Variants in PDE4D observed in about 807,000 individuals in gnomAD.
The protein encoded by PDE4D is phosphodiesterase 4D.
A neutral mutation model predicts 87.4 loss-of-function variants in PDE4D; 24 were observed. That is an observed-to-expected ratio of 0.27 (90% CI 0.20 to 0.39). The LOEUF (loss-of-function observed/expected upper bound fraction) is 0.39, where lower values mean the gene tolerates loss of function less well. Among genes scored for constraint, PDE4D ranks in the 10% least tolerant of loss-of-function variants. The probability of loss-of-function intolerance (pLI) is 1.00; values close to 1 mark genes in which losing one functional copy is unlikely to be tolerated. For missense variants in PDE4D, 714 were observed against 1,041.0 expected (o/e 0.69, Z 4.32); for synonymous variants, 384 against 383.2 (o/e 1.00, Z -0.02).
chr5:60,339,501 T>G (rs1758121253), intron 1 of PDE4D, among the ~76,000 whole-genome samples: 1 of 152,146 alleles, frequency 6.6e-6, no homozygotes, highest in African/African-American at 2.4e-5. Context: ...ATTGTGTATC[T>G]CTTAAATGTT....
intron 11 of PDE4D, among the ~76,000 whole-genome samples, chr5:58,986,842 T>G (rs1461149269): frequency 6.6e-6 from 1 of 152,158 alleles, no homozygotes; most frequent in Non-Finnish European, 1.5e-5. Flanking sequence ...ACAGTGACCT[T>G]TCTATCAGTT....
chr5:59,527,919 T>C (rs1416602176), intron 1 of PDE4D, among the ~76,000 whole-genome samples: 2 of 152,366 alleles, frequency 1.3e-5, no homozygotes, highest in South Asian at 2.1e-4. Context: ...ATTAGTTTTT[T>C]ATTCCTTAAA....
chr5:59,239,677 A>G (rs1265310069), intron 1 of PDE4D, among the ~76,000 whole-genome samples: 1 of 152,154 alleles, frequency 6.6e-6, no homozygotes, highest in Non-Finnish European at 1.5e-5. Context: ...CCCCTTAGTA[A>G]AAAATACTGA....
chr5:59,740,119 G>A (rs894791790), intron 1 of PDE4D, among the ~76,000 whole-genome samples: 1 of 152,060 alleles, frequency 6.6e-6, no homozygotes, highest in East Asian at 1.9e-4. Context: ...TATTGCTGCT[G>A]GTGTCCTGAA....
At chr5:59,463,544 G>A (rs1268493466) in intron 1 of PDE4D, among the ~76,000 whole-genome samples, 1 of 152,136 alleles carries the variant, frequency 6.6e-6, no homozygotes, top group East Asian at 1.9e-4. Flanking sequence ...TTCCCTTAAA[G>A]CCAGGTGGCC....
At chr5:59,912,461 A>G (rs1753555817) in intron 3 of PDE4D, among the ~76,000 whole-genome samples, 1 of 152,246 alleles carries the variant, frequency 6.6e-6, no homozygotes, top group South Asian at 2.1e-4. Context: ...CATATTATCA[A>G]CAAATTAATT....
intron 1 of PDE4D, among the ~76,000 whole-genome samples, chr5:59,564,793 G>A (rs1312973717): frequency 1.3e-5 from 2 of 152,174 alleles, no homozygotes; most frequent in African/African-American, 2.4e-5. Flanking sequence ...CAAGAAAACA[G>A]CATGCACAAT....
chr5:59,480,759 A>G (rs1343043195), intron 1 of PDE4D, among the ~76,000 whole-genome samples: 3 of 152,176 alleles, frequency 2.0e-5, no homozygotes, highest in Non-Finnish European at 4.4e-5. Flanking sequence ...TCATTCATTT[A>G]TTGAGCAGTT....
At chr5:60,185,975 G>A (rs1329434068) in intron 1 of PDE4D, among the ~76,000 whole-genome samples, 1 of 149,024 alleles carries the variant, frequency 6.7e-6, no homozygotes, top group Non-Finnish European at 1.5e-5. Context: ...ATAACCTAAA[G>A]TTACATGTAT....
At chr5:59,446,709 G>A (rs1463487241) in intron 1 of PDE4D, among the ~76,000 whole-genome samples, 1 of 152,194 alleles carries the variant, frequency 6.6e-6, no homozygotes. Context: ...CTAGTACGGA[G>A]CTCCCCACAG....
At chr5:59,187,716 T>C (rs1743241511) in intron 3 of PDE4D, among the ~76,000 whole-genome samples, 1 of 152,224 alleles carries the variant, frequency 6.6e-6, no homozygotes, top group Admixed American at 6.5e-5. Flanking sequence ...TAAATAATCT[T>C]GTAGAGAAAT....
chr5:59,546,949 G>A (rs868226831), intron 1 of PDE4D, among the ~76,000 whole-genome samples: 2 of 152,066 alleles, frequency 1.3e-5, no homozygotes, highest in African/African-American at 4.8e-5. Flanking sequence ...CAAAGCTAAC[G>A]TCAGAAATGC....
chr5:60,322,570 G>A (rs1023228902), intron 1 of PDE4D, among the ~76,000 whole-genome samples: 1 of 151,978 alleles, frequency 6.6e-6, no homozygotes, highest in African/African-American at 2.4e-5. Context: ...TACCAACCAT[G>A]CAATTAAGGG....
At chr5:60,087,520 G>A (rs1315070089) in intron 2 of PDE4D, among the ~76,000 whole-genome samples, 2 of 151,978 alleles carry the variant, frequency 1.3e-5, no homozygotes, top group Non-Finnish European at 2.9e-5. Flanking sequence ...AAACAATCCA[G>A]GAACAAAATA....
chr5:59,649,905 C>CTTTTTTTTTTTTTTT lies in PDE4D; in HGVS notation c.455+243248_455+243262dup, dbSNP rs1156467369. On this transcript the variant is annotated intron_variant, in intron 1 of 14. Transcript: ENST00000340635. ...GTTAAAATGTTGATAGTTTGTGAAC[C>CTTTTTTTTTTTTTTT]TTTTTTTTTTTTTTTTTTTTTTTTT... Among the ~76,000 whole-genome samples, 76 of 72,436 alleles carry CTTTTTTTTTTTTTTT rather than the reference C, an allele frequency of 1.0e-3. 12 individuals carry two copies. The highest frequency in any genetic ancestry group is 3.8e-3 in the African/African-American group (57 of 15,158). The allele number at this position is 72,436 out of a possible 152,430, so 47.5% of individuals were successfully genotyped here. A position where few individuals can be genotyped will look rare whatever the true frequency, so the allele number is the denominator to read the frequency against.
chr5:59,731,800 T>G (rs1043599848), intron 1 of PDE4D, among the ~76,000 whole-genome samples: 4 of 152,162 alleles, frequency 2.6e-5, no homozygotes, highest in African/African-American at 7.2e-5. Flanking sequence ...TATACACAAA[T>G]TATCTACCTT....
chr5:60,061,445 TG>T (rs1771392400), intron 2 of PDE4D, among the ~76,000 whole-genome samples: 1 of 151,950 alleles, frequency 6.6e-6, no homozygotes, highest in South Asian at 2.1e-4. Context: ...CACAAACAAA[TG>T]GAAAAACATC....
At chr5:60,496,328 G>A (rs908784448) in intron 1 of PDE4D, among the ~76,000 whole-genome samples, 2 of 152,154 alleles carry the variant, frequency 1.3e-5, no homozygotes, top group African/African-American at 2.4e-5. Flanking sequence ...GCCTAAGGAT[G>A]ACAAGAATGA....
chr5:59,879,121 C>T (rs979081727), intron 1 of PDE4D, among the ~76,000 whole-genome samples: 3 of 151,486 alleles, frequency 2.0e-5, no homozygotes, highest in Non-Finnish European at 4.4e-5. Context: ...AGGATGGTCT[C>T]GATCTCCTGA....
Sources: gnomAD v4.1 joint callset for allele counts (sites outside exome capture counted in the v4.1 genomes callset) on GRCh38, gnomAD v4.1.1 for gene constraint, MANE v1.5 for transcripts, NCBI Gene and HGNC (gene_info 2026-07-23, HGNC 2026-07-21) for gene names.